Variants in BMPR1B observed in about 807,000 individuals in gnomAD.
The protein encoded by BMPR1B is bone morphogenetic protein receptor type 1B, also known as bone morphogenetic protein receptor type-1B.
Under a neutral mutation model 59.1 loss-of-function variants are expected in BMPR1B, and 12 were observed. The ratio of observed to expected loss-of-function variants is 0.20; its 90% CI spans 0.13 to 0.33. BMPR1B has a LOEUF of 0.33. Ranked by LOEUF, BMPR1B falls within the 10% of genes least tolerant of loss-of-function variation. The pLI is 1.00. For missense variants in BMPR1B, 550 were observed against 610.9 expected, an observed-to-expected ratio of 0.90 and a Z score of 1.05; for synonymous variants, 237 against 207.3, an observed-to-expected ratio of 1.14 and a Z score of -1.23.
intron 3 of BMPR1B, among the ~76,000 whole-genome samples, chr4:95,044,950 A>C (rs17022927): frequency 0.011 from 1,730 of 152,336 alleles, 24 homozygotes; most frequent in African/African-American, 0.038. Flanking sequence ...AATAAAACCA[A>C]ATACCAGTGC....
rs575814667 is a variant in BMPR1B at position 95,042,285 on chromosome 4, A to G, written c.-18+46151A>G. On this transcript the variant is annotated intron_variant, in intron 3 of 12. Coordinates refer to ENST00000515059, the MANE Select transcript of BMPR1B (RefSeq NM_001203.3). ...ACCTACGTGTGAATAAGTGGGAGAA[A>G]ATGATTGCTTATTGATAATGTACAA... Among the ~76,000 whole-genome samples the G allele has an allele frequency of 2.6e-5, 4 of 152,326 alleles. No homozygotes were observed. In the East Asian group the frequency reaches 7.7e-4, roughly 29 times the overall value.
chr4:95,002,730 A>G (rs1022628064), intron 3 of BMPR1B, among the ~76,000 whole-genome samples: 9 of 152,274 alleles, frequency 5.9e-5, no homozygotes, highest in Admixed American at 2.0e-4. Context: ...AAGCCTGGTT[A>G]TCCCTTTGTG....
At chr4:94,963,711 C>T (rs986857963) in intron 2 of BMPR1B, among the ~76,000 whole-genome samples, 4 of 152,014 alleles carry the variant, frequency 2.6e-5, no homozygotes, top group Admixed American at 6.6e-5. Flanking sequence ...TGTTTTTATG[C>T]CAGTACTATG....
At chr4:95,032,094 G>A (rs945943884) in intron 3 of BMPR1B, among the ~76,000 whole-genome samples, 1 of 152,104 alleles carries the variant, frequency 6.6e-6, no homozygotes, top group East Asian at 1.9e-4. Context: ...AGATACCACA[G>A]ACTGGATAGC....
At chr4:95,078,154 A>G (rs1386662860) in intron 3 of BMPR1B, among the ~76,000 whole-genome samples, 2 of 152,228 alleles carry the variant, frequency 1.3e-5, no homozygotes, top group Non-Finnish European at 2.9e-5. Context: ...ATGATGCAAC[A>G]AAGTAGAAAG....
chr4:94,978,122 A>G (rs1346032193), intron 2 of BMPR1B, among the ~76,000 whole-genome samples: 1 of 152,224 alleles, frequency 6.6e-6, no homozygotes. Context: ...TATGCTGTCC[A>G]GTTCCAAGGC....
intron 2 of BMPR1B, among the ~76,000 whole-genome samples, chr4:94,956,001 T>A (rs1730127898): frequency 6.6e-6 from 1 of 152,194 alleles, no homozygotes; most frequent in Non-Finnish European, 1.5e-5. Flanking sequence ...AAATGAGGAA[T>A]CAGATGTTGC....
At chr4:95,052,585 A>C (rs1443711859) in intron 3 of BMPR1B, among the ~76,000 whole-genome samples, 1 of 151,966 alleles carries the variant, frequency 6.6e-6, no homozygotes, top group African/African-American at 2.4e-5. Flanking sequence ...GTACTTGTGG[A>C]TGCATATTAT....
At chr4:94,943,179 T>G (rs1729583934) in intron 2 of BMPR1B, among the ~76,000 whole-genome samples, 1 of 152,002 alleles carries the variant, frequency 6.6e-6, no homozygotes, top group Non-Finnish European at 1.5e-5. Flanking sequence ...TCACTCTTGT[T>G]GCCCAGGCTG....
chr4:94,793,377 A>G (rs1413254467), intron 1 of BMPR1B, among the ~76,000 whole-genome samples: 1 of 151,336 alleles, frequency 6.6e-6, no homozygotes, highest in African/African-American at 2.4e-5. Flanking sequence ...ATAGTATTCC[A>G]TGGTGTATAT....
At chr4:94,819,280 G>C (rs570986821) in intron 1 of BMPR1B, among the ~76,000 whole-genome samples, 1 of 152,236 alleles carries the variant, frequency 6.6e-6, no homozygotes, top group South Asian at 2.1e-4. Context: ...AAAGCTCCAA[G>C]TTTTGGGGTT....
At chr4:95,130,309 G>T (rs758757205) in intron 9 of BMPR1B, among the ~76,000 whole-genome samples, 1 of 152,180 alleles carries the variant, frequency 6.6e-6, no homozygotes, top group Non-Finnish European at 1.5e-5. Flanking sequence ...AACAGGAAAT[G>T]CGAGTGTAAA....
At position 94,936,306 on chromosome 4, in the gene BMPR1B, A is replaced by G. The variant is rs187044841; in HGVS notation, c.-112-59734A>G. Among the ~76,000 whole-genome samples, 77 of 152,336 alleles carry G rather than the reference A, an allele frequency of 5.1e-4. 1 individual carries two copies. The highest frequency in any genetic ancestry group is 1.4e-3 in the African/African-American group (60 of 41,590). On this transcript the variant is annotated intron_variant, in intron 2 of 12. Coordinates refer to ENST00000515059, the MANE Select transcript of BMPR1B (RefSeq NM_001203.3). ...GTCTAACCAAAGGTGTAAGACCAGT[A>G]ATTTGAATTTCGTGGGACAGACAGG... is the stretch of plus-strand genomic sequence containing the variant.
In BMPR1B at chr4:95,017,718, C is replaced by T. The variant is rs372902019; in HGVS notation, c.-18+21584C>T. On this transcript the variant is annotated intron_variant, in intron 3 of 12. Coordinates refer to ENST00000515059, the MANE Select transcript of BMPR1B (RefSeq NM_001203.3). ...TCTCAGCAACTCTGAGATTGTTATTCCCATTTTTCAATGTGTATACTGTAC... is the reference window on the plus strand; with the variant it reads ...TCTCAGCAACTCTGAGATTGTTATTTCCATTTTTCAATGTGTATACTGTAC... Among the ~76,000 whole-genome samples the T allele has an allele frequency of 2.6e-4, 40 of 152,200 alleles. No individual in the cohort carries two copies. The South Asian group carries it at 7.5e-3, about 28-fold the overall frequency.
intron 3 of BMPR1B, among the ~76,000 whole-genome samples, chr4:95,098,853 A>G (rs1285300419): frequency 2.0e-5 from 3 of 152,132 alleles, no homozygotes; most frequent in East Asian, 3.9e-4. Context: ...AGTAGCTGGG[A>G]CTACAGGTGC....
chr4:94,811,712 CA>C (rs1723820767), intron 1 of BMPR1B, among the ~76,000 whole-genome samples: 1 of 152,104 alleles, frequency 6.6e-6, no homozygotes, highest in Non-Finnish European at 1.5e-5. Flanking sequence ...ACAACTTTCT[CA>C]AATGCCAGGG....
At chr4:95,103,254 A>G (rs190599590) in intron 3 of BMPR1B, among the ~76,000 whole-genome samples, 12 of 152,172 alleles carry the variant, frequency 7.9e-5, no homozygotes, top group African/African-American at 2.6e-4. Context: ...TAGACTTCTA[A>G]TTCTCTGATG....
chr4:95,102,775 A>T (rs1032407329), intron 3 of BMPR1B, among the ~76,000 whole-genome samples: 2 of 152,166 alleles, frequency 1.3e-5, no homozygotes, highest in South Asian at 4.1e-4. Context: ...CGAGCATACT[A>T]TATAGAAATA....
chr4:94,787,863 T>C (rs1722820393), intron 1 of BMPR1B, among the ~76,000 whole-genome samples: 1 of 152,188 alleles, frequency 6.6e-6, no homozygotes, highest in African/African-American at 2.4e-5. Context: ...CTGGAACTCA[T>C]GATCACAAGA....
Sources: gnomAD v4.1 joint callset for allele counts (sites outside exome capture counted in the v4.1 genomes callset) on GRCh38, gnomAD v4.1.1 for gene constraint, MANE v1.5 for transcripts, NCBI Gene and HGNC (gene_info 2026-07-23, HGNC 2026-07-21) for gene names.